The following IMMP2L variants were observed in gnomAD, a reference collection of about 807,000 sequenced individuals.
IMMP2L encodes the protein mitochondrial inner membrane protease subunit 2.
Under a neutral mutation model 19.3 loss-of-function variants are expected in IMMP2L, and 18 were observed. That is an observed-to-expected ratio of 0.93 (90% CI 0.64 to 1.38). The LOEUF is 1.38. Ranked by LOEUF, IMMP2L falls within the 40% of genes most tolerant of loss-of-function variation. The pLI is 0.00. For synonymous variants in IMMP2L, 76 were observed against 73.0 expected (o/e 1.04, Z -0.21); for missense variants, 233 against 218.2 (o/e 1.07, Z -0.43).
chr7:111,188,744 T>C (rs747930920), intron 3 of IMMP2L, among the ~76,000 whole-genome samples: 1 of 152,070 alleles, frequency 6.6e-6, no homozygotes, highest in African/African-American at 2.4e-5. Flanking sequence ...TTGCACACAA[T>C]GGAAGGGGAC....
intron 5 of IMMP2L, among the ~76,000 whole-genome samples, chr7:110,772,949 TTC>T (rs901380272): frequency 1.3e-5 from 2 of 151,200 alleles, no homozygotes; most frequent in African/African-American, 4.9e-5. Flanking sequence ...CCATATTCAT[TTC>T]TTTTTTTTTT....
chr7:111,507,582 TCAC>T (rs894042299), intron 2 of IMMP2L, among the ~76,000 whole-genome samples: 2 of 152,126 alleles, frequency 1.3e-5, no homozygotes, highest in Non-Finnish European at 2.9e-5. Context: ...AACACTCCCC[TCAC>T]CACATTACCA....
At chr7:111,293,435 C>T (rs1047267936) in intron 3 of IMMP2L, among the ~76,000 whole-genome samples, 4 of 151,452 alleles carry the variant, frequency 2.6e-5, no homozygotes, top group South Asian at 2.1e-4. Context: ...TTTTTTTCAA[C>T]GACTTTCCTG....
intron 3 of IMMP2L, among the ~76,000 whole-genome samples, chr7:110,998,368 G>T (rs1823261570): frequency 6.6e-6 from 1 of 152,134 alleles, no homozygotes; most frequent in Non-Finnish European, 1.5e-5. Flanking sequence ...GGCTTGTGAG[G>T]ACCATACTTG....
chr7:110,931,480 T>C (rs1815479441), intron 4 of IMMP2L, among the ~76,000 whole-genome samples: 1 of 152,146 alleles, frequency 6.6e-6, no homozygotes, highest in Admixed American at 6.5e-5. Context: ...CAGATTGAAA[T>C]CCAAAGAGCC....
intron 3 of IMMP2L, among the ~76,000 whole-genome samples, chr7:111,446,255 G>A (rs2131848961): frequency 6.6e-6 from 1 of 151,856 alleles, no homozygotes; most frequent in African/African-American, 2.4e-5. Context: ...CTGGGGGCAG[G>A]GCACAGACAA....
At chr7:111,341,141 T>C (rs1274042893) in intron 3 of IMMP2L, among the ~76,000 whole-genome samples, 1 of 152,152 alleles carries the variant, frequency 6.6e-6, no homozygotes, top group Non-Finnish European at 1.5e-5. Context: ...AGCAGAGCAA[T>C]ATTGAGAATA....
chr7:111,167,528 T>C (rs1314300374), intron 3 of IMMP2L, among the ~76,000 whole-genome samples: 1 of 151,808 alleles, frequency 6.6e-6, no homozygotes, highest in Non-Finnish European at 1.5e-5. Flanking sequence ...CCAAATAATA[T>C]CAGAAGGTTA....
intron 5 of IMMP2L, among the ~76,000 whole-genome samples, chr7:110,782,635 G>A (rs573794026): frequency 4.6e-5 from 7 of 151,702 alleles, no homozygotes; most frequent in Non-Finnish European, 5.9e-5. Context: ...CATAAGGAAC[G>A]CTTATAAACC....
At chr7:111,446,057 C>T (rs1248069120) in intron 3 of IMMP2L, among the ~76,000 whole-genome samples, 3 of 152,020 alleles carry the variant, frequency 2.0e-5, no homozygotes, top group Non-Finnish European at 4.4e-5. Context: ...GAGGGTCCTA[C>T]GCCCACGGAA....
intron 3 of IMMP2L, among the ~76,000 whole-genome samples, chr7:111,443,744 T>C (rs1031660553): frequency 1.1e-4 from 16 of 152,176 alleles, no homozygotes; most frequent in Admixed American, 8.5e-4. Flanking sequence ...CTACCACTCA[T>C]TCTTCTTCCT....
chr7:111,122,692 T>A, intron 3 of IMMP2L: 1 of 1,073,378 alleles, frequency 9.3e-7, no homozygotes, highest in Admixed American at 2.3e-5. Flanking sequence ...ATCTTCCTTA[T>A]CAATCAGCTC....
At chr7:110,840,141 C>T (rs1388679605) in intron 5 of IMMP2L, among the ~76,000 whole-genome samples, 1 of 152,104 alleles carries the variant, frequency 6.6e-6, no homozygotes, top group African/African-American at 2.4e-5. Context: ...GAAGTTCCCT[C>T]CTATAGCTAC....
intron 3 of IMMP2L, among the ~76,000 whole-genome samples, chr7:111,343,843 C>A (rs1289342062): frequency 1.3e-5 from 2 of 152,098 alleles, no homozygotes; most frequent in Non-Finnish European, 2.9e-5. Flanking sequence ...TTTTCCTCTT[C>A]TGTAAAGTGA....
At chr7:111,387,543 A>G (rs1584907846) in intron 3 of IMMP2L, among the ~76,000 whole-genome samples, 2 of 152,208 alleles carry the variant, frequency 1.3e-5, no homozygotes, top group African/African-American at 2.4e-5. Context: ...TTAACAATAT[A>G]GATGGTTTCT....
At chr7:111,404,013 C>T (rs775526891) in intron 3 of IMMP2L, among the ~76,000 whole-genome samples, 4 of 152,098 alleles carry the variant, frequency 2.6e-5, no homozygotes, top group African/African-American at 4.8e-5. Context: ...AATCCAGCAG[C>T]GGCATAACAC....
chr7:111,107,528 A>G (rs955373826), intron 3 of IMMP2L, among the ~76,000 whole-genome samples: 1 of 152,100 alleles, frequency 6.6e-6, no homozygotes, highest in African/African-American at 2.4e-5. Flanking sequence ...AGAAGGGGCA[A>G]TGGAACATGA....
chr7:110,768,741 G>A (rs907923407), intron 5 of IMMP2L, among the ~76,000 whole-genome samples: 7 of 152,042 alleles, frequency 4.6e-5, no homozygotes, highest in Admixed American at 3.9e-4. Context: ...CTCCTTTCTC[G>A]TTTTAAGCTT....
At chr7:110,774,113 G>T (rs902493283) in intron 5 of IMMP2L, among the ~76,000 whole-genome samples, 7 of 152,098 alleles carry the variant, frequency 4.6e-5, no homozygotes, top group African/African-American at 1.4e-4. Context: ...TTAAAATATT[G>T]TATGGTATTT....
Sources: gnomAD v4.1 joint callset for allele counts (sites outside exome capture counted in the v4.1 genomes callset) on GRCh38, gnomAD v4.1.1 for gene constraint, MANE v1.5 for transcripts, NCBI Gene and HGNC (gene_info 2026-07-23, HGNC 2026-07-21) for gene names.